Variants in TCF12 observed in about 807,000 individuals in gnomAD.
The protein encoded by TCF12 is DNA-binding protein HTF4.
Under a neutral mutation model 86.0 loss-of-function variants are expected in TCF12, and 45 were observed. That is an observed-to-expected ratio of 0.52 (90% CI 0.41 to 0.67). The LOEUF (loss-of-function observed/expected upper bound fraction) is 0.67. Among genes scored for constraint, TCF12 ranks in the 30% least tolerant of loss-of-function variants. TCF12 has a pLI of 0.00. For synonymous variants in TCF12, 330 were observed against 299.6 expected, an observed-to-expected ratio of 1.10 and a Z score of -1.05; for missense variants, 881 against 859.9, an observed-to-expected ratio of 1.02 and a Z score of -0.31.
chr15:57,119,329 G>A (rs770285071), intron 5 of TCF12, among the ~76,000 whole-genome samples: 3 of 150,952 alleles, frequency 2.0e-5, no homozygotes, highest in Non-Finnish European at 4.4e-5. Context: ...TGGGTGGGCA[G>A]TGTTTGTAGA....
intron 19 of TCF12, among the ~76,000 whole-genome samples, chr15:57,276,796 C>CT (rs869236450): frequency 9.4e-4 from 126 of 134,452 alleles, no homozygotes; most frequent in African/African-American, 3.0e-3. Context: ...TTTTTTTTTT[C>CT]TTTTTTTTTT....
chr15:57,250,590 G>A (rs1019018477), intron 13 of TCF12, among the ~76,000 whole-genome samples: 3 of 152,138 alleles, frequency 2.0e-5, no homozygotes, highest in Non-Finnish European at 4.4e-5. Flanking sequence ...TTAGCTTGGC[G>A]TGGTGGTGTG....
At chr15:57,041,645 A>C (rs563344147) in intron 3 of TCF12, among the ~76,000 whole-genome samples, 1 of 152,216 alleles carries the variant, frequency 6.6e-6, no homozygotes, top group Non-Finnish European at 1.5e-5. Flanking sequence ...CAAAATCCAA[A>C]TGTAAATTTG....
At chr15:57,247,092 T>A in intron 13 of TCF12, 1 of 575,592 alleles carries the variant, frequency 1.7e-6, no homozygotes, top group South Asian at 1.5e-5. Context: ...GAACTCATTA[T>A]AGTTCCCACC....
intron 5 of TCF12, among the ~76,000 whole-genome samples, chr15:57,145,124 C>T (rs1243462402): frequency 6.6e-6 from 1 of 152,166 alleles, no homozygotes; most frequent in Non-Finnish European, 1.5e-5. Context: ...TTAATAAGAA[C>T]ATTTCCATAT....
intron 3 of TCF12, 26 bp from the exon 4 acceptor site, chr15:57,063,724 T>C (rs774478340): frequency 1.3e-6 from 2 of 1,575,834 alleles, no homozygotes; most frequent in African/African-American, 1.3e-5. Context: ...TTTTTAGATA[T>C]ATCTTTTATT....
At chr15:57,237,337 G>A (rs1452841538) in intron 12 of TCF12, among the ~76,000 whole-genome samples, 1 of 152,164 alleles carries the variant, frequency 6.6e-6, no homozygotes, top group Non-Finnish European at 1.5e-5. Context: ...GTGCACTGTA[G>A]TGTTTAAAAA....
At chr15:56,938,768 A>T (rs1425015772) in intron 3 of TCF12, among the ~76,000 whole-genome samples, 1 of 151,082 alleles carries the variant, frequency 6.6e-6, no homozygotes, top group African/African-American at 2.4e-5. Context: ...CCCTATCTCC[A>T]TTGGGGATCC....
intron 8 of TCF12, among the ~76,000 whole-genome samples, chr15:57,212,758 T>G (rs1050458877): frequency 6.6e-6 from 1 of 152,168 alleles, no homozygotes; most frequent in Non-Finnish European, 1.5e-5. Context: ...GTTTAATGCC[T>G]GCATTTTACA....
At chr15:57,170,664 T>C (rs1401057976) in intron 6 of TCF12, among the ~76,000 whole-genome samples, 5 of 25,114 alleles carry the variant, frequency 2.0e-4, no homozygotes, top group Non-Finnish European at 3.1e-4. Flanking sequence ...ATATAAAATA[T>C]ATATATATAT....
rs2061512811 is a variant in TCF12 at position 56,956,565 on chromosome 15, A to AATTTTCTTTTC, written c.148+35467_148+35468insATTTTCTTTTC. ...CAACAACTTTAACCTTTTCTGCAGT[A>AATTTTCTTTTC]GTGATCTGCTGGTAATGAATTCCTT... On this transcript the variant is annotated intron_variant, in intron 3 of 20. Transcript: ENST00000333725. 2.6e-5 allele frequency among the ~76,000 whole-genome samples: 4 copies of AATTTTCTTTTC among 152,112 alleles called. No homozygotes were observed. The South Asian group carries it at 8.3e-4, about 31-fold the overall frequency.
intron 5 of TCF12, among the ~76,000 whole-genome samples, chr15:57,120,146 A>G (rs2051125396): frequency 1.3e-5 from 2 of 152,190 alleles, no homozygotes; most frequent in Admixed American, 1.3e-4. Flanking sequence ...CATTTGCTAG[A>G]TACTGCGTTG....
At chr15:57,030,106 A>T (rs2066066796) in intron 3 of TCF12, among the ~76,000 whole-genome samples, 1 of 152,128 alleles carries the variant, frequency 6.6e-6, no homozygotes, top group African/African-American at 2.4e-5. Context: ...CCTGGGAATA[A>T]GATTACTGGG....
intron 7 of TCF12, among the ~76,000 whole-genome samples, chr15:57,196,899 T>G (rs1380567804): frequency 6.6e-6 from 1 of 152,232 alleles, no homozygotes; most frequent in Non-Finnish European, 1.5e-5. Flanking sequence ...TAATAGTTTA[T>G]GTATCATATA....
chr15:57,212,228 A>C (rs1331305045), intron 8 of TCF12, among the ~76,000 whole-genome samples: 2 of 152,120 alleles, frequency 1.3e-5, no homozygotes, highest in African/African-American at 4.8e-5. Flanking sequence ...TTTAATCTGA[A>C]GTTCTGAACT....
intron 5 of TCF12, among the ~76,000 whole-genome samples, chr15:57,147,370 C>T (rs1477266319): frequency 6.6e-6 from 1 of 152,046 alleles, no homozygotes; most frequent in Non-Finnish European, 1.5e-5. Context: ...TGTAAGATAT[C>T]TTTTGGGAAC....
intron 13 of TCF12, among the ~76,000 whole-genome samples, chr15:57,249,003 G>A (rs2593235): frequency 0.47 from 71,864 of 152,082 alleles, 17,850 homozygotes; most frequent in Non-Finnish European, 0.56. Flanking sequence ...TCAGGCTTCT[G>A]TTACGGGGGG....
chr15:57,098,322 C>G (rs1322090873), intron 5 of TCF12, among the ~76,000 whole-genome samples: 1 of 152,196 alleles, frequency 6.6e-6, no homozygotes, highest in Non-Finnish European at 1.5e-5. Context: ...CCATTTGTTT[C>G]ATCTGCTGCC....
intron 3 of TCF12, among the ~76,000 whole-genome samples, chr15:56,940,445 C>CTTCTTCTTCT: frequency 6.7e-6 from 1 of 148,844 alleles, no homozygotes; most frequent in Middle Eastern, 3.5e-3. Context: ...GCAATTGTTT[C>CTTCTTCTTCT]TTCTTCTTCT....
Sources: gnomAD v4.1 joint callset for allele counts (sites outside exome capture counted in the v4.1 genomes callset) on GRCh38, gnomAD v4.1.1 for gene constraint, MANE v1.5 for transcripts, NCBI Gene and HGNC (gene_info 2026-07-23, HGNC 2026-07-21) for gene names.